The following CPVL variants were observed in gnomAD, a reference collection of about 807,000 sequenced individuals.
The protein encoded by CPVL is probable serine carboxypeptidase CPVL.
In CPVL, 51 loss-of-function variants were observed where a neutral mutation model predicts 63.7. That is an observed-to-expected ratio of 0.80 (90% CI 0.64 to 1.01). CPVL has a LOEUF of 1.01. Among genes scored for constraint, CPVL ranks in the 50% least tolerant of loss-of-function variants. The probability of loss-of-function intolerance (pLI) is 0.00; values close to 1 mark genes in which losing one functional copy is unlikely to be tolerated. For synonymous variants in CPVL, 195 were observed against 206.0 expected (o/e 0.95, Z 0.46); for missense variants, 530 against 573.1 (o/e 0.92, Z 0.77).
At chr7:29,167,412 C>G (rs1376565978) in intron 5 of CPVL, among the ~76,000 whole-genome samples, 1 of 152,096 alleles carries the variant, frequency 6.6e-6, no homozygotes, top group Non-Finnish European at 1.5e-5. Flanking sequence ...GACATGAGAG[C>G]TATTTCCAGT....
intron 1 of CPVL, among the ~76,000 whole-genome samples, chr7:29,131,278 A>G (rs939173910): frequency 6.6e-6 from 1 of 152,220 alleles, no homozygotes; most frequent in East Asian, 1.9e-4. Context: ...CGGGTGGCAA[A>G]TACAGGCTAA....
chr7:29,007,965 T>G (rs75686131), intron 12 of CPVL, among the ~76,000 whole-genome samples: 1 of 151,876 alleles, frequency 6.6e-6, no homozygotes, highest in Non-Finnish European at 1.5e-5. Flanking sequence ...AATTAAAGAG[T>G]TGAAGTGTGA....
chr7:29,109,997 A>G (rs1215368362), intron 3 of CPVL, among the ~76,000 whole-genome samples: 1 of 152,194 alleles, frequency 6.6e-6, no homozygotes, highest in Non-Finnish European at 1.5e-5. Context: ...CATTCTAGAC[A>G]TAGCTGTTCA....
chr7:29,082,432 C>T (rs934048067), intron 7 of CPVL: 2 of 152,212 alleles, frequency 1.3e-5, no homozygotes, highest in African/African-American at 4.8e-5. Context: ...GAACGCCTTC[C>T]ACTTCTCTTT....
intron 1 of CPVL, among the ~76,000 whole-genome samples, chr7:29,133,345 C>T (rs963305294): frequency 6.6e-6 from 1 of 152,192 alleles, no homozygotes; most frequent in Non-Finnish European, 1.5e-5. Flanking sequence ...GACATGCTGA[C>T]AGTGCCCCTT....
chr7:28,997,777 TC>T (rs1784232339), intron 12 of CPVL, among the ~76,000 whole-genome samples: 1 of 152,234 alleles, frequency 6.6e-6, no homozygotes. Flanking sequence ...TATTCACCTC[TC>T]AATAGCCCTC....
intron 12 of CPVL, among the ~76,000 whole-genome samples, chr7:29,025,481 G>A (rs1041785989): frequency 1.3e-5 from 2 of 152,098 alleles, no homozygotes; most frequent in African/African-American, 4.8e-5. Context: ...CCATTCATGA[G>A]GAATCTTCCC....
exon 1 of CPVL, chr7:29,195,093 C>A: frequency 7.7e-7 from 1 of 1,299,630 alleles, no homozygotes; most frequent in South Asian, 1.4e-5. Context: ...CCATCCCGCC[C>A]GCTCTCTCGG....
chr7:29,146,771 T>G, upstream of CPVL: 1 of 1,549,198 alleles, frequency 6.5e-7, no homozygotes. Context: ...TGTTTTATTT[T>G]GATTTTGTCT....
rs955779324 is a variant in CPVL, at chr7:29,092,835, C to G, written c.463-133G>C. 48 of 682,612 alleles carry G rather than the reference C, an allele frequency of 7.0e-5. 1 individual carries two copies. The Middle Eastern group carries it at 3.2e-3, about 45-fold the overall frequency. The allele number at this position is 682,612 out of a possible 1,614,324, so 42.3% of individuals were successfully genotyped here. A position where few individuals can be genotyped will look rare whatever the true frequency, so the allele number is the denominator to read the frequency against. On this transcript the variant is annotated intron_variant, in intron 5 of 12. Transcript: ENST00000265394. ...AGACTTCAGATTTTTGCCGTTGCCCCCCTATGCCTTTAGCCCTCCTCCCAG... is the reference window on the plus strand; with the variant it reads ...AGACTTCAGATTTTTGCCGTTGCCCGCCTATGCCTTTAGCCCTCCTCCCAG...
intron 11 of CPVL, among the ~76,000 whole-genome samples, chr7:29,060,500 T>C (rs987092673): frequency 2.6e-5 from 4 of 152,240 alleles, no homozygotes; most frequent in African/African-American, 9.6e-5. Context: ...AGATTGTTTC[T>C]CTTTCTAGTT....
At chr7:29,194,788 G>A in intron 1 of CPVL, 1 of 545,826 alleles carries the variant, frequency 1.8e-6, no homozygotes, top group Non-Finnish European at 2.9e-6. Context: ...GGAGCAGGAA[G>A]TGCAGGCAGA....
intron 11 of CPVL, among the ~76,000 whole-genome samples, chr7:29,052,440 C>CA (rs57693166): frequency 1.1e-3 from 127 of 118,218 alleles, no homozygotes; most frequent in South Asian, 5.1e-3. Flanking sequence ...GATTCAGTTC[C>CA]AAAAAAAAAA....
At chr7:29,053,480 C>CA (rs1036019033) in intron 11 of CPVL, among the ~76,000 whole-genome samples, 33 of 152,222 alleles carry the variant, frequency 2.2e-4, no homozygotes, top group African/African-American at 7.5e-4. Flanking sequence ...GAAACAGTCA[C>CA]AAAAGGCCAT....
intron 5 of CPVL, among the ~76,000 whole-genome samples, chr7:29,174,390 G>A (rs1302015146): frequency 6.6e-6 from 1 of 152,186 alleles, no homozygotes; most frequent in Non-Finnish European, 1.5e-5. Context: ...AGCTTTTCGA[G>A]GCCTGGAGGC....
In CPVL at chr7:29,072,309, G is replaced by A; in HGVS notation, c.724C>T (p.Pro242Ser). The change falls in exon 8 of 13, where the codon CCC (proline) becomes TCC (serine). Residue 242 changes from proline to serine, a missense_variant. Transcript: ENST00000265394. ...GIAIGDGYSDPESIIGGYAEF... is the reference protein window; with the variant it reads ...GIAIGDGYSDSESIIGGYAEF... ...CAGAAGGAGAAACCTACTGATTCGG[G>A]ATCAGAATATCCATCTCCAATAGCA... 1 of 1,614,034 alleles carries A rather than the reference G, an allele frequency of 6.2e-7. No homozygotes were observed. Among genetic ancestry groups the A allele is most frequent in the South Asian group, 1.1e-5 (1 of 91,042 alleles).
intron 5 of CPVL, among the ~76,000 whole-genome samples, chr7:29,163,769 T>G (rs1795520007): frequency 6.6e-6 from 1 of 152,216 alleles, no homozygotes; most frequent in African/African-American, 2.4e-5. Flanking sequence ...TTTTTAAAAT[T>G]TTTAAATAAA....
intron 11 of CPVL, among the ~76,000 whole-genome samples, chr7:29,034,296 G>A (rs1371430127): frequency 1.3e-5 from 2 of 151,996 alleles, no homozygotes; most frequent in South Asian, 2.1e-4. Flanking sequence ...TTGTAGAGAC[G>A]GGGTTTCGCC....
chr7:29,066,275 A>G (rs180820866), intron 9 of CPVL, among the ~76,000 whole-genome samples, 154 bp from the exon 10 acceptor site: 165 of 152,346 alleles, frequency 1.1e-3, no homozygotes, highest in African/African-American at 3.9e-3. Flanking sequence ...TCTGTGCTAG[A>G]CACTGTCATG....
Sources: gnomAD v4.1 joint callset for allele counts (sites outside exome capture counted in the v4.1 genomes callset) on GRCh38, gnomAD v4.1.1 for gene constraint, MANE v1.5 for transcripts, NCBI Gene and HGNC (gene_info 2026-07-23, HGNC 2026-07-21) for gene names.